RAB6A: variants seen among roughly 807,000 people sequenced by gnomAD.
RAB6A encodes the protein ras-related protein Rab-6A.
RAB6A carries 8 observed loss-of-function variants against 32.3 expected under a neutral mutation model. The ratio of observed to expected loss-of-function variants is 0.25; its 90% confidence interval spans 0.15 to 0.45. The LOEUF is 0.45. Ranked by LOEUF, RAB6A falls within the 20% of genes least tolerant of loss-of-function variation. The probability of loss-of-function intolerance (pLI) is 1.00; values close to 1 mark genes in which losing one functional copy is unlikely to be tolerated. For missense variants in RAB6A, 104 were observed against 249.4 expected (o/e 0.42, Z 3.93); for synonymous variants, 73 against 82.1 (o/e 0.89, Z 0.60).
intron 6 of RAB6A, among the ~76,000 whole-genome samples, chr11:73,698,853 T>TC (rs929081986): frequency 2.0e-5 from 3 of 148,252 alleles, no homozygotes; most frequent in East Asian, 2.0e-4. Context: ...TTTGCGATTT[T>TC]TTTTTTTTTT....
intron 6 of RAB6A, among the ~76,000 whole-genome samples, chr11:73,706,732 T>C (rs964192932): frequency 6.6e-6 from 1 of 152,156 alleles, no homozygotes; most frequent in Non-Finnish European, 1.5e-5. Context: ...AAGGATAAAG[T>C]AACCAGAATT....
intron 6 of RAB6A, among the ~76,000 whole-genome samples, chr11:73,684,225 G>A (rs1365054636): frequency 3.4e-5 from 5 of 148,890 alleles, no homozygotes; most frequent in Admixed American, 6.7e-5. Context: ...CTGGAGTGCA[G>A]TGGTACTATC....
At chr11:73,703,125 T>TAA (rs1327555671) in intron 6 of RAB6A, among the ~76,000 whole-genome samples, 1 of 148,924 alleles carries the variant, frequency 6.7e-6, no homozygotes, top group South Asian at 2.1e-4. Flanking sequence ...CCTGGCCTAA[T>TAA]TAAAAAAAAT....
intron 6 of RAB6A, among the ~76,000 whole-genome samples, chr11:73,701,477 G>C (rs1393280844): frequency 1.3e-5 from 2 of 152,092 alleles, no homozygotes; most frequent in African/African-American, 4.8e-5. Flanking sequence ...AGAGATCAGA[G>C]ATTATTTCAC....
rs1037767885 is a variant in RAB6A, at chr11:73,735,604, A to G, written c.71-4781T>C. On this transcript the variant is annotated intron_variant, in intron 1 of 7. Coordinates refer to ENST00000336083, the MANE Select transcript of RAB6A (RefSeq NM_198896.2). ...AGGAGACTTTAGCTAGAAGAAAAAG[A>G]AGGTATCTCAGGCCTTTAACAAGGA... Among the ~76,000 whole-genome samples the G allele has an allele frequency of 5.3e-5, 8 of 152,206 alleles. 1 individual carries two copies.
rs375679902 is a variant in RAB6A at position 73,677,970 on chromosome 11, A to G, written c.563-8T>C. The G allele has an allele frequency of 3.3e-5, 54 of 1,614,102 alleles. No homozygotes were observed. The South Asian group carries it at 5.7e-4, about 17-fold the overall frequency. On this transcript the variant is annotated splice_region_variant and splice_polypyrimidine_tract_variant and intron_variant, in intron 7 of 7. Transcript: ENST00000336083. Reference sequence around the variant, plus strand: ...CCAGTTTTATGTCAATCACTGAAACAAAAGTTAAGAAGCCATAAATGGGAA... The same window carrying G: ...CCAGTTTTATGTCAATCACTGAAACGAAAGTTAAGAAGCCATAAATGGGAA...
At chr11:73,719,772 C>T (rs751917038) in intron 3 of RAB6A, among the ~76,000 whole-genome samples, 4 of 152,026 alleles carry the variant, frequency 2.6e-5, no homozygotes, top group East Asian at 1.9e-4. Flanking sequence ...CCCGCCACCA[C>T]GCCCAGCTAA....
At chr11:73,685,593 T>TCTTTTTTTTTTTTTTTTTTTTTTTTTAAA (rs1555054180) in intron 6 of RAB6A, among the ~76,000 whole-genome samples, 6 of 146,968 alleles carry the variant, frequency 4.1e-5, no homozygotes, top group African/African-American at 1.5e-4. Context: ...GGACTGAAAG[T>TCTTTTTTTTTTTTTTTTTTTTTTTTTAAA]AGCGACCAGG....
intron 5 of RAB6A, among the ~76,000 whole-genome samples, chr11:73,714,209 A>ATATATATATATATATAT (rs1555059762): frequency 1.4e-4 from 8 of 57,572 alleles, no homozygotes; most frequent in African/African-American, 3.7e-4. Flanking sequence ...AAAAAAAAAA[A>ATATATATATATATATAT]ATATATATAT....
Position 73,714,838 on chromosome 11 carries a change from C to T in RAB6A, c.401+1413G>A, listed in dbSNP as rs1257909294. ...AAAATTTGCAGGACATGGTGGCAGG[C>T]GCCTGTAATCCCAGCTACTCAGGAG... On this transcript the variant is annotated intron_variant, in intron 5 of 7. Transcript: ENST00000336083. 6.6e-5 allele frequency among the ~76,000 whole-genome samples: 10 copies of T among 151,868 alleles called. No individual in the cohort carries two copies. In the East Asian group the frequency reaches 1.4e-3, roughly 21 times the overall value.
chr11:73,680,709 ACT>A (rs777541461), intron 6 of RAB6A, among the ~76,000 whole-genome samples: 6 of 151,950 alleles, frequency 3.9e-5, no homozygotes, highest in Non-Finnish European at 7.4e-5. Flanking sequence ...ATATTGTGAA[ACT>A]CAGTCCAGTC....
chr11:73,739,284 A>AAAAAAAAAAATAT (rs1208877325), intron 1 of RAB6A, among the ~76,000 whole-genome samples: 1 of 6,762 alleles, frequency 1.5e-4, no homozygotes, highest in African/African-American at 3.2e-4. Flanking sequence ...AAAAAAAAAA[A>AAAAAAAAAAATAT]ATATATATAT....
At chr11:73,750,307 C>CA (rs1282898691) in intron 1 of RAB6A, among the ~76,000 whole-genome samples, 2 of 151,430 alleles carry the variant, frequency 1.3e-5, no homozygotes, top group Non-Finnish European at 2.9e-5. Flanking sequence ...ATAACGTCCT[C>CA]AAAGTTCATC....
rs1945284895 is a variant in RAB6A at position 73,677,348 on chromosome 11, C to G, written c.*550G>C. On this transcript the variant is annotated 3_prime_UTR_variant, in exon 8 of 8. Coordinates refer to ENST00000336083, the MANE Select transcript of RAB6A (RefSeq NM_198896.2). ...AGTGCTCAAGAATAATTTTGGACAT[C>G]TTGGTCCGTAGCCTACAGCAAGTGG... 1 of 171,058 alleles carries G rather than the reference C, an allele frequency of 5.8e-6. No homozygotes were observed. Among genetic ancestry groups the G allele is most frequent in the Non-Finnish European group, 1.4e-5 (1 of 70,980 alleles). The allele number at this position is 171,058 out of a possible 1,614,324, so 10.6% of individuals were successfully genotyped here.
At chr11:73,687,468 G>A (rs1945477612) in intron 6 of RAB6A, among the ~76,000 whole-genome samples, 1 of 152,168 alleles carries the variant, frequency 6.6e-6, no homozygotes, top group African/African-American at 2.4e-5. Context: ...TTAGGTGTGA[G>A]CCACTGTGCC....
chr11:73,697,501 C>A (rs1465898790), intron 6 of RAB6A, among the ~76,000 whole-genome samples: 2 of 151,902 alleles, frequency 1.3e-5, no homozygotes, highest in African/African-American at 4.9e-5. Flanking sequence ...GTGAGCACCA[C>A]CACACTCGGC....
At chr11:73,711,004 G>A (rs1945950084) in intron 5 of RAB6A, among the ~76,000 whole-genome samples, 1 of 151,998 alleles carries the variant, frequency 6.6e-6, no homozygotes, top group South Asian at 2.1e-4. Flanking sequence ...GCCACTCATG[G>A]GCCCACTAAT....
intron 3 of RAB6A, among the ~76,000 whole-genome samples, chr11:73,719,167 C>T (rs1946097481): frequency 6.6e-6 from 1 of 152,032 alleles, no homozygotes; most frequent in Non-Finnish European, 1.5e-5. Context: ...TTTTCCCTAC[C>T]TAAAACCTGT....
At chr11:73,695,612 C>A (rs530472217) in intron 6 of RAB6A, among the ~76,000 whole-genome samples, 1 of 152,234 alleles carries the variant, frequency 6.6e-6, no homozygotes, top group East Asian at 1.9e-4. Context: ...GAACTCCTGA[C>A]CTGATAATCT....
Sources: gnomAD v4.1 joint callset for allele counts (sites outside exome capture counted in the v4.1 genomes callset) on GRCh38, gnomAD v4.1.1 for gene constraint, MANE v1.5 for transcripts, NCBI Gene and HGNC (gene_info 2026-07-23, HGNC 2026-07-21) for gene names.